CALCRL: variants seen among roughly 807,000 people sequenced by gnomAD.
CALCRL encodes the protein calcitonin receptor like receptor.
A neutral mutation model predicts 60.4 loss-of-function variants in CALCRL; 27 were observed. That is an observed-to-expected ratio of 0.45 (90% CI 0.33 to 0.62). The LOEUF is 0.62. Ranked by LOEUF, CALCRL falls within the 20% of genes least tolerant of loss-of-function variation. The probability of loss-of-function intolerance (pLI) is 0.03; values close to 1 mark genes in which losing one functional copy is unlikely to be tolerated. For missense variants in CALCRL, 424 were observed against 540.7 expected (o/e 0.78, Z 2.14); for synonymous variants, 190 against 182.6 (o/e 1.04, Z -0.33).
At chr2:187,357,818 A>G (rs916074063) in intron 12 of CALCRL, among the ~76,000 whole-genome samples, 5 of 53,068 alleles carry the variant, frequency 9.4e-5, no homozygotes, top group African/African-American at 4.7e-4. Context: ...AACAACAACA[A>G]TGAAAGAAAA....
At chr2:187,434,516 A>G (rs1210082719) in intron 1 of CALCRL, among the ~76,000 whole-genome samples, 1 of 152,196 alleles carries the variant, frequency 6.6e-6, no homozygotes, top group Non-Finnish European at 1.5e-5. Context: ...ATATGACGCA[A>G]TGGAAACCTC....
Position 187,363,391 on chromosome 2 carries a change from T to C in CALCRL, c.612A>G (p.Leu204=), listed in dbSNP as rs761062579. ...HLTAVANNQA[L]VATNPVSCKV... ...GTTTACTTACAGGATTTGTGGCTAC[T>C]AAGGCCTGGTTGTTGGCCACTGCAG... Residue 204 remains leucine (L), a synonymous_variant, in exon 9 of 15, where the codon TTA becomes TTG. Transcript: ENST00000392370. The C allele has an allele frequency of 1.2e-6, 2 of 1,611,182 alleles. No homozygotes were observed. The highest frequency in any genetic ancestry group is 2.2e-5 in the South Asian group (2 of 90,546).
chr2:187,399,219 G>A (rs767544283), intron 1 of CALCRL, among the ~76,000 whole-genome samples: 5 of 151,430 alleles, frequency 3.3e-5, no homozygotes, highest in Non-Finnish European at 5.9e-5. Flanking sequence ...TACACCCAAA[G>A]CACATTCCAT....
chr2:187,362,838 T>A (rs559582589), intron 9 of CALCRL, among the ~76,000 whole-genome samples: 1 of 152,104 alleles, frequency 6.6e-6, no homozygotes, highest in East Asian at 1.9e-4. Flanking sequence ...AGTTTAATCT[T>A]ATGTAGGATA....
chr2:187,392,297 ACT>A, intron 1 of CALCRL, among the ~76,000 whole-genome samples: 2 of 152,142 alleles, frequency 1.3e-5, no homozygotes, highest in South Asian at 2.1e-4. Flanking sequence ...TCTAAACCAT[ACT>A]CTGTTTTTCA....
chr2:187,342,519 T>C lies in CALCRL; in HGVS notation c.*3665A>G, dbSNP rs141146455. ...CACTCTCATGTACCTATCTCAACAA[T>C]AGGCCAAACCTTATTAAACTAGCAA... On this transcript the variant is annotated 3_prime_UTR_variant, in exon 15 of 15. Coordinates refer to ENST00000392370, the MANE Select transcript of CALCRL (RefSeq NM_005795.6). Among the ~76,000 whole-genome samples, 654 of 151,694 alleles carry C rather than the reference T, an allele frequency of 4.3e-3. 4 individuals are homozygous for C. The highest frequency in any genetic ancestry group is 0.015 in the African/African-American group (621 of 41,512).
intron 14 of CALCRL, 73 bp downstream of exon 14, chr2:187,351,847 T>G: frequency 1.1e-6 from 1 of 906,118 alleles, no homozygotes; most frequent in Non-Finnish European, 1.7e-6. Flanking sequence ...TAATTTTATC[T>G]CATTTAAATA....
At chr2:187,366,859 C>G (rs1373695208) in intron 8 of CALCRL, among the ~76,000 whole-genome samples, 2 of 149,478 alleles carry the variant, frequency 1.3e-5, no homozygotes, top group African/African-American at 2.5e-5. Flanking sequence ...AAGGTAAGTA[C>G]TTAAAAATGA....
chr2:187,441,978 C>T (rs1690924914), intron 1 of CALCRL: 2 of 150,944 alleles, frequency 1.3e-5, no homozygotes, highest in South Asian at 4.2e-4. Flanking sequence ...TGGGAAAACT[C>T]TTGGCCATTT....
chr2:187,358,915 A>G (rs1559040965), intron 12 of CALCRL, 148 bp downstream of exon 12: 2 of 728,512 alleles, frequency 2.7e-6, no homozygotes, highest in Non-Finnish European at 4.9e-6. Context: ...CAGATATGAT[A>G]CCTTCACTAA....
chr2:187,427,098 G>T (rs1192173691), intron 1 of CALCRL, among the ~76,000 whole-genome samples: 1 of 152,078 alleles, frequency 6.6e-6, no homozygotes. Context: ...CAACACTTGT[G>T]TTTTTTGTGT....
rs189022006 is a variant in CALCRL at position 187,424,746 on chromosome 2, T to A, written c.-293+23293A>T. 8.4e-3 allele frequency among the ~76,000 whole-genome samples: 1,284 copies of A among 152,072 alleles called. 13 individuals are homozygous for A. The highest frequency in any genetic ancestry group is 0.014 in the Non-Finnish European group (926 of 67,868). On this transcript the variant is annotated intron_variant, in intron 1 of 14. Coordinates refer to ENST00000392370, the MANE Select transcript of CALCRL (RefSeq NM_005795.6). ...CGTGATAGGTATAAATGAATTGTGG[T>A]ATGGCCTGATTAAAAATTTTACTTC... is the stretch of plus-strand genomic sequence containing the variant.
intron 1 of CALCRL, among the ~76,000 whole-genome samples, chr2:187,430,752 A>G (rs148194688): frequency 2.0e-5 from 3 of 152,248 alleles, no homozygotes; most frequent in African/African-American, 7.2e-5. Context: ...CAATTATGAA[A>G]AAGTTTTACA....
At chr2:187,356,927 G>C (rs563223135) in intron 12 of CALCRL, among the ~76,000 whole-genome samples, 1 of 152,174 alleles carries the variant, frequency 6.6e-6, no homozygotes, top group African/African-American at 2.4e-5. Context: ...GGTCATTAGA[G>C]AAATGCAAAT....
intron 1 of CALCRL, among the ~76,000 whole-genome samples, chr2:187,400,076 G>T (rs1176361250): frequency 6.6e-6 from 1 of 151,404 alleles, no homozygotes; most frequent in Admixed American, 6.6e-5. Flanking sequence ...TTTTCAAATA[G>T]CTAGAAGAGA....
chr2:187,421,879 C>A (rs1277544696), intron 1 of CALCRL, among the ~76,000 whole-genome samples: 1 of 152,148 alleles, frequency 6.6e-6, no homozygotes, highest in Admixed American at 6.5e-5. Context: ...AAAAGAAAAC[C>A]ATCCAACTTT....
chr2:187,378,850 A>C, intron 8 of CALCRL, 90 bp downstream of exon 8: 1 of 706,186 alleles, frequency 1.4e-6, no homozygotes, highest in Non-Finnish European at 2.5e-6. Context: ...ATATTGGTAT[A>C]TTTTGTCAGA....
At chr2:187,401,294 T>C (rs1055334919) in intron 1 of CALCRL, among the ~76,000 whole-genome samples, 2 of 151,652 alleles carry the variant, frequency 1.3e-5, no homozygotes, top group Non-Finnish European at 3.0e-5. Flanking sequence ...ACAGATGATA[T>C]TCACATTGTA....
intron 1 of CALCRL, among the ~76,000 whole-genome samples, chr2:187,401,652 G>A (rs1046897916): frequency 5.3e-5 from 8 of 151,394 alleles, no homozygotes; most frequent in African/African-American, 1.9e-4. Flanking sequence ...TTTTTCTCCT[G>A]TCAGTGATTT....
Sources: allele counts gnomAD v4.1 joint callset (sites outside exome capture counted in the v4.1 genomes callset), GRCh38; gene constraint gnomAD v4.1.1; transcripts MANE v1.5; gene names NCBI Gene and HGNC (gene_info 2026-07-23, HGNC 2026-07-21).